Variants in RNF182 observed in about 807,000 individuals in gnomAD.
RNF182 encodes E3 ubiquitin-protein ligase RNF182.
A neutral mutation model predicts 14.4 loss-of-function variants in RNF182; 15 were observed. That is an observed-to-expected ratio of 1.04 (90% CI 0.70 to 1.60). RNF182 has a LOEUF of 1.60. Among genes scored for constraint, RNF182 ranks in the 40% most tolerant of loss-of-function variants. The pLI, the probability that RNF182 is intolerant of heterozygous loss-of-function variation, is 0.00. For synonymous variants in RNF182, 128 were observed against 122.9 expected (o/e 1.04, Z -0.27); for missense variants, 268 against 294.8 (o/e 0.91, Z 0.67).
At chr6:13,965,120 TAGAA>T (rs1282143277) in intron 1 of RNF182, among the ~76,000 whole-genome samples, 4 of 152,080 alleles carry the variant, frequency 2.6e-5, no homozygotes, top group African/African-American at 4.8e-5. Context: ...TGACAAAAAA[TAGAA>T]AGAGCACATA....
intron 1 of RNF182, among the ~76,000 whole-genome samples, chr6:13,934,344 G>A (rs1038384157): frequency 1.3e-5 from 2 of 152,176 alleles, no homozygotes; most frequent in East Asian, 1.9e-4. Context: ...GCTTTAGGCC[G>A]TGCCCACCAG....
At chr6:13,955,723 G>C (rs1318027036) in intron 1 of RNF182, among the ~76,000 whole-genome samples, 3 of 152,106 alleles carry the variant, frequency 2.0e-5, no homozygotes, top group Non-Finnish European at 4.4e-5. Flanking sequence ...GTCTCTGTCT[G>C]CAGCTTTATG....
chr6:13,976,493 C>T (rs950613372), intron 2 of RNF182, among the ~76,000 whole-genome samples: 3 of 152,110 alleles, frequency 2.0e-5, no homozygotes, highest in Non-Finnish European at 2.9e-5. Flanking sequence ...GCACTATTGA[C>T]GGTATTTAGA....
chr6:13,944,755 A>G (rs1033137318), intron 1 of RNF182, among the ~76,000 whole-genome samples: 7 of 152,192 alleles, frequency 4.6e-5, no homozygotes, highest in African/African-American at 1.7e-4. Context: ...TACAATCAAG[A>G]GACAGAAGCA....
intron 1 of RNF182, among the ~76,000 whole-genome samples, chr6:13,926,962 C>T (rs183512749): frequency 1.3e-5 from 2 of 152,234 alleles, no homozygotes; most frequent in South Asian, 4.1e-4. Flanking sequence ...TGCTGAAGAA[C>T]GGAGATATCC....
intron 1 of RNF182, among the ~76,000 whole-genome samples, chr6:13,930,418 T>G (rs1459624597): frequency 6.6e-6 from 1 of 152,196 alleles, no homozygotes; most frequent in Non-Finnish European, 1.5e-5. Flanking sequence ...CTTGGAAATG[T>G]TGATCCATTT....
intron 1 of RNF182, among the ~76,000 whole-genome samples, chr6:13,970,093 G>A (rs975938782): frequency 1.3e-5 from 2 of 152,126 alleles, no homozygotes; most frequent in Non-Finnish European, 2.9e-5. Flanking sequence ...ATGTATGATG[G>A]TCAAGTCAGG....
intron 2 of RNF182, among the ~76,000 whole-genome samples, chr6:13,975,044 A>C (rs1368434277): frequency 6.6e-6 from 1 of 152,176 alleles, no homozygotes; most frequent in Non-Finnish European, 1.5e-5. Flanking sequence ...TGTGGCTACC[A>C]GGGGTACTGT....
At chr6:13,936,537 ATC>A (rs995938909) in intron 1 of RNF182, among the ~76,000 whole-genome samples, 6 of 152,224 alleles carry the variant, frequency 3.9e-5, no homozygotes, top group African/African-American at 1.4e-4. Flanking sequence ...TCTTGTAAAA[ATC>A]TCACATTGTA....
chr6:13,977,281 T>C lies in RNF182; in HGVS notation c.162T>C (p.Phe54=), dbSNP rs1319172598. 2 of 1,614,102 alleles carry C rather than the reference T, an allele frequency of 1.2e-6. No individual in the cohort carries two copies. Among genetic ancestry groups the C allele is most frequent in the Non-Finnish European group, 8.5e-7 (1 of 1,180,040 alleles). ...AATGCCTCTACAAGATCATAGACTT[T>C]GGGGACTCCCCACAAGGTGTCATTG... The part of the protein sequence containing the change: ...CAKCLYKIID[F]GDSPQGVIVC... Residue 54 remains phenylalanine (F), a synonymous_variant, in exon 3 of 3, where the codon TTT becomes TTC. Coordinates refer to ENST00000488300, the MANE Select transcript of RNF182 (RefSeq NM_152737.4).
chr6:13,939,436 C>A (rs538210234), intron 1 of RNF182, among the ~76,000 whole-genome samples: 15 of 151,780 alleles, frequency 9.9e-5, no homozygotes, highest in African/African-American at 3.6e-4. Flanking sequence ...TAGATTTGTT[C>A]TTTTTGTTGT....
At chr6:13,966,759 TCCCCACCC>T (rs1163205331) in intron 1 of RNF182, among the ~76,000 whole-genome samples, 9 of 113,356 alleles carry the variant, frequency 7.9e-5, no homozygotes, top group Non-Finnish European at 1.7e-4. Flanking sequence ...CAGGAACCTG[TCCCCACCC>T]CCCCACCCCC....
chr6:13,945,922 G>A (rs573878195), intron 1 of RNF182, among the ~76,000 whole-genome samples: 4 of 152,132 alleles, frequency 2.6e-5, no homozygotes, highest in African/African-American at 9.6e-5. Context: ...AGTACATTAA[G>A]GAAGTAAGGG....
intron 1 of RNF182, among the ~76,000 whole-genome samples, chr6:13,927,319 T>C (rs1758854574): frequency 6.6e-6 from 1 of 152,180 alleles, no homozygotes; most frequent in African/African-American, 2.4e-5. Flanking sequence ...CAAACAGCAA[T>C]TGTGTTTTCT....
intron 1 of RNF182, among the ~76,000 whole-genome samples, chr6:13,973,242 G>T (rs545100400): frequency 1.3e-5 from 2 of 152,342 alleles, no homozygotes; most frequent in East Asian, 3.9e-4. Flanking sequence ...TATCTGGGAA[G>T]TAACTAACTT....
In RNF182 at chr6:13,977,109, C is replaced by T. The variant is rs138581484; in HGVS notation, c.-11C>T. The T allele has an allele frequency of 1.7e-5, 28 of 1,605,448 alleles. No individual in the cohort carries two copies. Among genetic ancestry groups the T allele is most frequent in the Admixed American group, 3.4e-5 (2 of 59,556 alleles). On this transcript the variant is annotated 5_prime_UTR_variant, in exon 3 of 3. Coordinates refer to ENST00000488300, the MANE Select transcript of RNF182 (RefSeq NM_152737.4). The stretch of plus-strand genomic sequence containing the variant: ...GACCCACCTGGCATAAGATTGCACA[C>T]ATAATTCAAGATGGCCAGTCAACCT...
At chr6:13,965,728 A>C (rs1760006242) in intron 1 of RNF182, among the ~76,000 whole-genome samples, 1 of 152,194 alleles carries the variant, frequency 6.6e-6, no homozygotes, top group Non-Finnish European at 1.5e-5. Flanking sequence ...TGCTCACCAC[A>C]CAGAAAGCCA....
rs78765887 is a variant in RNF182, at chr6:13,931,398, G to A, written c.-367+6375G>A. ...TCAGAGCAACATGCTTTTTGCTACA[G>A]TGGGAGATTTCCTTGTTTTAGGATG... On this transcript the variant is annotated intron_variant, in intron 1 of 2. Coordinates refer to ENST00000488300, the MANE Select transcript of RNF182 (RefSeq NM_152737.4). Among the ~76,000 whole-genome samples, 62 of 152,252 alleles carry A rather than the reference G, an allele frequency of 4.1e-4. No homozygotes were observed. In the East Asian group the frequency reaches 0.01, roughly 25 times the overall value.
chr6:13,932,602 T>TACTTAACC (rs1414876402), intron 1 of RNF182, among the ~76,000 whole-genome samples: 2 of 152,314 alleles, frequency 1.3e-5, no homozygotes, highest in African/African-American at 4.8e-5. Flanking sequence ...TTAAGTTCCT[T>TACTTAACC]TGAATATTTT....
Sources: allele counts gnomAD v4.1 joint callset (sites outside exome capture counted in the v4.1 genomes callset), GRCh38; gene constraint gnomAD v4.1.1; transcripts MANE v1.5; gene names NCBI Gene and HGNC (gene_info 2026-07-23, HGNC 2026-07-21).